The following GRIN2A variants were observed in gnomAD, a reference collection of about 807,000 sequenced individuals.
GRIN2A encodes glutamate receptor ionotropic, NMDA 2A.
A neutral mutation model predicts 113.4 loss-of-function variants in GRIN2A; 22 were observed. That is an observed-to-expected ratio of 0.19 (90% CI 0.14 to 0.28). The LOEUF is 0.28. GRIN2A is among the 10% of genes least tolerant of loss of function. The pLI is 1.00. For synonymous variants in GRIN2A, 827 were observed against 738.4 expected (o/e 1.12, Z -1.94); for missense variants, 1,502 against 1,887.0 (o/e 0.80, Z 3.78).
intron 11 of GRIN2A, among the ~76,000 whole-genome samples, chr16:9,788,494 G>C (rs1902378453): frequency 6.6e-6 from 1 of 151,970 alleles, no homozygotes; most frequent in Admixed American, 6.6e-5. Flanking sequence ...CTAACCTCGA[G>C]TGATTCACCT....
intron 2 of GRIN2A, among the ~76,000 whole-genome samples, chr16:9,995,669 C>CA (rs35368416): frequency 0.15 from 23,235 of 152,120 alleles, 2,109 homozygotes; most frequent in East Asian, 0.37. Context: ...TCTGATCTCC[C>CA]AGTGTATGCT....
At chr16:10,104,017 T>A (rs2048447944) in intron 2 of GRIN2A, among the ~76,000 whole-genome samples, 1 of 152,362 alleles carries the variant, frequency 6.6e-6, no homozygotes, top group South Asian at 2.1e-4. Context: ...GCTCAGTTTA[T>A]CAATGTCCTT....
chr16:10,002,901 G>T (rs2046344893), intron 2 of GRIN2A, among the ~76,000 whole-genome samples: 2 of 152,308 alleles, frequency 1.3e-5, no homozygotes, highest in South Asian at 4.1e-4. Context: ...TGGCCTTTAG[G>T]AGAAAGGCAA....
At chr16:9,928,414 A>G (rs528060347) in intron 3 of GRIN2A, among the ~76,000 whole-genome samples, 30 of 152,210 alleles carry the variant, frequency 2.0e-4, no homozygotes, top group Non-Finnish European at 4.0e-4. Context: ...GCCCCTTTAT[A>G]CTTTGCTGCA....
intron 11 of GRIN2A, chr16:9,769,371 T>C (rs1901117080): frequency 1.3e-5 from 2 of 153,092 alleles, no homozygotes; most frequent in South Asian, 1.9e-4. Flanking sequence ...TCTATTAATA[T>C]GTATATATAT....
chr16:9,844,217 C>T (rs957566258), intron 5 of GRIN2A, among the ~76,000 whole-genome samples: 1 of 152,132 alleles, frequency 6.6e-6, no homozygotes, highest in Admixed American at 6.5e-5. Context: ...AAACCTCAGC[C>T]AGTTTATGAG....
intron 3 of GRIN2A, among the ~76,000 whole-genome samples, chr16:9,901,273 C>T (rs2043917329): frequency 6.6e-6 from 1 of 152,160 alleles, no homozygotes; most frequent in Non-Finnish European, 1.5e-5. Context: ...ATGAGCCCTA[C>T]TTTGTCTCTC....
chr16:9,772,956 A>T (rs1901371703), intron 11 of GRIN2A, among the ~76,000 whole-genome samples: 1 of 149,154 alleles, frequency 6.7e-6, no homozygotes. Context: ...GCAAATGCAC[A>T]TTTCTCATTA....
intron 2 of GRIN2A, among the ~76,000 whole-genome samples, chr16:10,122,801 C>G (rs2048860033): frequency 1.3e-5 from 2 of 152,070 alleles, no homozygotes; most frequent in Admixed American, 1.3e-4. Flanking sequence ...TGAGGCGACT[C>G]GGAAATACAC....
Position 9,851,410 on chromosome 16 carries a change from C to T in GRIN2A, c.1123-1449G>A, listed in dbSNP as rs148978856. Among the ~76,000 whole-genome samples the T allele has an allele frequency of 1.6e-4, 25 of 152,234 alleles. No homozygotes were observed. In the East Asian group the frequency reaches 4.0e-3, roughly 25 times the overall value. The stretch of plus-strand genomic sequence containing the variant: ...GAGCGCATCAAATTCTTCATTCATT[C>T]GACATAGATTTATTGAAGACCTACG... On this transcript the variant is annotated intron_variant, in intron 4 of 12. Coordinates refer to ENST00000330684, the MANE Select transcript of GRIN2A (RefSeq NM_001134407.3).
chr16:10,105,192 T>C (rs2048473969), intron 2 of GRIN2A, among the ~76,000 whole-genome samples: 1 of 152,052 alleles, frequency 6.6e-6, no homozygotes, highest in South Asian at 2.1e-4. Context: ...CCTGAACCCC[T>C]GACAAAAAGC....
intron 2 of GRIN2A, among the ~76,000 whole-genome samples, chr16:9,998,927 A>G (rs1242136123): frequency 6.6e-6 from 1 of 152,054 alleles, no homozygotes; most frequent in African/African-American, 2.4e-5. Flanking sequence ...GGACATAAAC[A>G]TCCTAGGGGT....
intron 2 of GRIN2A, among the ~76,000 whole-genome samples, chr16:10,069,366 T>G (rs928934768): frequency 1.3e-5 from 2 of 152,042 alleles, no homozygotes; most frequent in Non-Finnish European, 2.9e-5. Flanking sequence ...GCAGCCAAGG[T>G]TAAAAGGCTA....
chr16:10,111,569 C>A, intron 2 of GRIN2A: 1 of 848,672 alleles, frequency 1.2e-6, no homozygotes, highest in Non-Finnish European at 2.0e-6. Context: ...ATGCTGAAGA[C>A]ACCACTGATC....
intron 2 of GRIN2A, among the ~76,000 whole-genome samples, chr16:9,959,403 T>A (rs994534070): frequency 6.6e-6 from 1 of 152,232 alleles, no homozygotes; most frequent in Non-Finnish European, 1.5e-5. Context: ...CCATAGGAGC[T>A]CATAATAGGC....
chr16:9,774,351 A>T (rs187644158), intron 11 of GRIN2A, among the ~76,000 whole-genome samples: 2 of 152,338 alleles, frequency 1.3e-5, no homozygotes, highest in African/African-American at 4.8e-5. Flanking sequence ...ACATCCAGTC[A>T]TCTGGTAAGG....
intron 3 of GRIN2A, among the ~76,000 whole-genome samples, chr16:9,923,170 T>C (rs1421593233): frequency 6.6e-6 from 1 of 152,160 alleles, no homozygotes; most frequent in Non-Finnish European, 1.5e-5. Context: ...TTTGATCTTT[T>C]TGATGAATTG....
chr16:10,062,280 C>G (rs2047562624), intron 2 of GRIN2A, among the ~76,000 whole-genome samples: 1 of 152,072 alleles, frequency 6.6e-6, no homozygotes, highest in African/African-American at 2.4e-5. Context: ...AAAAGCAGCC[C>G]TAGACAGTAG....
intron 2 of GRIN2A, among the ~76,000 whole-genome samples, chr16:10,044,074 G>T (rs1024257162): frequency 5.2e-4 from 79 of 150,972 alleles, no homozygotes; most frequent in Non-Finnish European, 1.0e-3. Context: ...GACAGAGACA[G>T]AGAGTGCCTC....
Sources: gnomAD v4.1 joint callset for allele counts (sites outside exome capture counted in the v4.1 genomes callset) on GRCh38, gnomAD v4.1.1 for gene constraint, MANE v1.5 for transcripts, NCBI Gene and HGNC (gene_info 2026-07-23, HGNC 2026-07-21) for gene names.